NDUFS1: variants seen among roughly 807,000 people sequenced by gnomAD.
NDUFS1 encodes NADH:ubiquinone oxidoreductase core subunit S1.
A neutral mutation model predicts 84.4 loss-of-function variants in NDUFS1; 61 were observed. That is an observed-to-expected ratio of 0.72 (90% CI 0.59 to 0.89). The LOEUF (loss-of-function observed/expected upper bound fraction) is 0.89. Ranked by LOEUF, NDUFS1 falls within the 40% of genes least tolerant of loss-of-function variation. The pLI is 0.00. For missense variants in NDUFS1, 891 were observed against 890.0 expected (o/e 1.00, Z -0.01); for synonymous variants, 275 against 290.0 (o/e 0.95, Z 0.53).
chr2:206,132,149 G>A (rs1011274243), intron 14 of NDUFS1, among the ~76,000 whole-genome samples: 1 of 151,548 alleles, frequency 6.6e-6, no homozygotes, highest in African/African-American at 2.4e-5. Context: ...AAAATATTAC[G>A]CAGGGTAAAG....
Position 206,124,191 on chromosome 2 carries a change from T to C in NDUFS1, c.2178A>G (p.Ile726Met), listed in dbSNP as rs754913375. Residue 726 changes from isoleucine to methionine, a missense_variant, in exon 19 of 19, where the codon ATA (isoleucine) becomes ATG (methionine). Physicochemically the swap from Ile to Met is conservative, Grantham distance 10. Transcript: ENST00000233190. ...TGGGATCCTAGTAGAAGCTTCAGCA[T>C]ATGGATGGTTCCTCTACTGCCTGGG... is the stretch of plus-strand genomic sequence containing the variant. The part of the protein sequence containing the change: ...EGAQAVEEPS[I>M]C 8 of 1,606,330 alleles carry C rather than the reference T, an allele frequency of 5.0e-6. No individual in the cohort carries two copies. The highest frequency in any genetic ancestry group is 6.8e-6 in the Non-Finnish European group (8 of 1,172,902).
intron 14 of NDUFS1, among the ~76,000 whole-genome samples, chr2:206,131,012 A>T (rs892340061): frequency 6.6e-6 from 1 of 152,198 alleles, no homozygotes; most frequent in Non-Finnish European, 1.5e-5. Flanking sequence ...CTACGAATAT[A>T]TATTACTCTT....
At position 206,136,045 on chromosome 2, in the gene NDUFS1, T is replaced by C. The variant is rs186555710; in HGVS notation, c.1392+2440A>G. Among the ~76,000 whole-genome samples, 359 of 151,842 alleles carry C rather than the reference T, an allele frequency of 2.4e-3. 3 individuals carry two copies. Among genetic ancestry groups the C allele is most frequent in the African/African-American group, 8.3e-3 (345 of 41,456 alleles). On this transcript the variant is annotated intron_variant, in intron 13 of 18. Coordinates refer to ENST00000233190, the MANE Select transcript of NDUFS1 (RefSeq NM_005006.7). ...ACAACTGCATCAGCTTTTTTTTTTT[T>C]TTCTTTCTTCTTTTTGTTTTTTTGA... is the stretch of plus-strand genomic sequence containing the variant.
intron 7 of NDUFS1, 66 bp downstream of exon 7, chr2:206,147,465 C>CATCAA: frequency 2.7e-6 from 4 of 1,468,146 alleles, no homozygotes; most frequent in Non-Finnish European, 3.7e-6. Context: ...TGTTATTATT[C>CATCAA]ATCAAATTGT....
intron 1 of NDUFS1, among the ~76,000 whole-genome samples, chr2:206,154,187 T>C (rs1687533301): frequency 6.6e-6 from 1 of 152,252 alleles, no homozygotes; most frequent in African/African-American, 2.4e-5. Context: ...TGCTATTTTC[T>C]GGTACACTTA....
chr2:206,147,919 CTTTAT>C lies in NDUFS1; in HGVS notation c.339-90_339-86del, dbSNP rs66550464. 6,204 of 1,279,938 alleles carry C rather than the reference CTTTAT, an allele frequency of 4.8e-3. 204 individuals carry two copies. The African/African-American group carries it at 0.082, about 17-fold the overall frequency. The allele number at this position is 1,279,938 out of a possible 1,614,324, so 79.3% of individuals were successfully genotyped here. ...GCTGGCACTCAAAATGACCTATAGACTTTATTTTTTTTTTTTGAGATGGTGTCTCG... is the reference window on the plus strand; with the variant it reads ...GCTGGCACTCAAAATGACCTATAGACTTTTTTTTTTTGAGATGGTGTCTCG... On this transcript the variant is annotated intron_variant, in intron 5 of 18. Coordinates refer to ENST00000233190, the MANE Select transcript of NDUFS1 (RefSeq NM_005006.7).
At chr2:206,126,972 A>G in intron 16 of NDUFS1, 128 bp from the exon 17 acceptor site, 7 of 1,122,664 alleles carry the variant, frequency 6.2e-6, no homozygotes, top group Non-Finnish European at 9.1e-6. Flanking sequence ...CCATTAGTAG[A>G]CATACATTTA....
At chr2:206,141,897 A>T (rs1176653589) in intron 12 of NDUFS1, 44 bp downstream of exon 12, 10 of 1,550,044 alleles carry the variant, frequency 6.5e-6, no homozygotes, top group Non-Finnish European at 8.9e-6. Flanking sequence ...AAACAAAAAA[A>T]TTACATAAAT....
At chr2:206,144,226 T>A in intron 9 of NDUFS1, 94 bp from the exon 10 acceptor site, 1 of 937,424 alleles carries the variant, frequency 1.1e-6, no homozygotes, top group Non-Finnish European at 1.7e-6. Context: ...TTAAATACAG[T>A]ACTGGTTAAA....
At position 206,126,914 on chromosome 2, in the gene NDUFS1, T is replaced by G. The variant is rs1691316324; in HGVS notation, c.1885-70A>C. On this transcript the variant is annotated intron_variant, in intron 16 of 18. Transcript: ENST00000233190. ...TTAAAAATATCAAATAATAGATAAT[T>G]GTAACTATGGTGAAATAATGCAGCA... is the stretch of plus-strand genomic sequence containing the variant. 5 of 1,570,828 alleles carry G rather than the reference T, an allele frequency of 3.2e-6. No homozygotes were observed. In the Admixed American group the frequency reaches 8.4e-5, roughly 26 times the overall value.
Position 206,159,410 on chromosome 2 carries a change from G to C in NDUFS1, c.-74C>G, listed in dbSNP as rs1687821564. 6.0e-6 allele frequency: 3 copies of C among 502,138 alleles called. No homozygotes were observed. The highest frequency in any genetic ancestry group is 1.1e-5 in the Non-Finnish European group (3 of 279,900). 31.1% of individuals were successfully genotyped at this position (502,138 alleles called of 1,614,324 possible). On this transcript the variant is annotated 5_prime_UTR_variant, in exon 1 of 19. Transcript: ENST00000233190. The stretch of plus-strand genomic sequence containing the variant: ...CCACGACGACCCCCTAGGAGGCCGG[G>C]TCGCTTATTCAATATGGCGGCCTCG...
In NDUFS1 at chr2:206,143,953, T is replaced by A; in HGVS notation, c.987+65A>T. On this transcript the variant is annotated intron_variant, in intron 10 of 18. Coordinates refer to ENST00000233190, the MANE Select transcript of NDUFS1 (RefSeq NM_005006.7). ...AAGGGAAGAAATATACATCCCCCCC[T>A]TCATGGCAAAGATGTTTCTTGATAA... is the stretch of plus-strand genomic sequence containing the variant. The A allele has an allele frequency of 2.9e-6, 4 of 1,357,330 alleles. No homozygotes were observed. The South Asian group carries it at 4.7e-5, about 16-fold the overall frequency. 84.1% of individuals were successfully genotyped at this position (1,357,330 alleles called of 1,614,324 possible).
Position 206,133,050 on chromosome 2 carries a change from C to A in NDUFS1, c.1448G>T (p.Arg483Ile). ...MVVLGSSALQ[R>I]NDGAAILAAV... The stretch of plus-strand genomic sequence containing the variant: ...TGCAAGAATTGCTGCTCCATCATTT[C>A]TTTGGAGTGCAGAACTGCCTAAAAC... The change falls in exon 14 of 19, where the codon AGA becomes ATA. Residue 483 changes from arginine (R) to isoleucine (I), a missense_variant. Physicochemically the swap from Arg to Ile is moderately conservative, Grantham distance 97. Coordinates refer to ENST00000233190, the MANE Select transcript of NDUFS1 (RefSeq NM_005006.7). 1 of 1,613,352 alleles carries A rather than the reference C, an allele frequency of 6.2e-7. No homozygotes were observed. The highest frequency in any genetic ancestry group is 8.5e-7 in the Non-Finnish European group (1 of 1,179,634).
At chr2:206,128,791 A>T (rs546759587) in intron 15 of NDUFS1, among the ~76,000 whole-genome samples, 26 of 150,494 alleles carry the variant, frequency 1.7e-4, no homozygotes, top group Middle Eastern at 3.4e-3. Context: ...AAAAAAAAAA[A>T]TTTTTTTTTT....
At chr2:206,133,999 C>T (rs1474987144) in intron 13 of NDUFS1, among the ~76,000 whole-genome samples, 4 of 152,006 alleles carry the variant, frequency 2.6e-5, no homozygotes, top group Admixed American at 6.6e-5. Flanking sequence ...CAAAACAAAA[C>T]GTGTAAAGTT....
Position 206,120,250 on chromosome 2 carries a change from A to G in NDUFS1, c.*3935T>C, listed in dbSNP as rs1691059668. Reference sequence around the variant, plus strand: ...GATATTCCTTTACAGTAATGCAAACAGATTAAAACAGATTAGTACTGACAG... The same window carrying G: ...GATATTCCTTTACAGTAATGCAAACGGATTAAAACAGATTAGTACTGACAG... On this transcript the variant is annotated 3_prime_UTR_variant, in exon 19 of 19. Coordinates refer to ENST00000233190, the MANE Select transcript of NDUFS1 (RefSeq NM_005006.7). 1.3e-5 allele frequency: 2 copies of G among 152,238 alleles called. No homozygotes were observed. Among genetic ancestry groups the G allele is most frequent in the South Asian group, 4.1e-4 (2 of 4,830 alleles). The allele number at this position is 152,238 out of a possible 1,614,324, so 9.4% of individuals were successfully genotyped here.
At chr2:206,148,738 A>G (rs1474103161) in intron 5 of NDUFS1, among the ~76,000 whole-genome samples, 1 of 152,226 alleles carries the variant, frequency 6.6e-6, no homozygotes, top group African/African-American at 2.4e-5. Context: ...CAATCCCAGT[A>G]TAGTATAGTA....
chr2:206,141,557 A>C (rs1179827819), intron 12 of NDUFS1, among the ~76,000 whole-genome samples: 1 of 147,894 alleles, frequency 6.8e-6, no homozygotes, highest in East Asian at 1.9e-4. Flanking sequence ...AAAAATAAAA[A>C]TAAAAATAAT....
rs915063282 is a variant in NDUFS1 at position 206,141,348 on chromosome 2, C to T, written c.1262+593G>A. On this transcript the variant is annotated intron_variant, in intron 12 of 18. Coordinates refer to ENST00000233190, the MANE Select transcript of NDUFS1 (RefSeq NM_005006.7). The stretch of plus-strand genomic sequence containing the variant: ...TCACAAGGTCAGGAGATCGAGACCA[C>T]GGTGAAACCCCGTCTCTACTAAAAA... 1.4e-4 allele frequency among the ~76,000 whole-genome samples: 20 copies of T among 144,904 alleles called. No homozygotes were observed. In the East Asian group the frequency reaches 1.7e-3, roughly 12 times the overall value.
Sources: allele counts gnomAD v4.1 joint callset (sites outside exome capture counted in the v4.1 genomes callset), GRCh38; gene constraint gnomAD v4.1.1; transcripts MANE v1.5; gene names NCBI Gene and HGNC (gene_info 2026-07-23, HGNC 2026-07-21).